Variants in DNAAF5 observed in about 807,000 individuals in gnomAD.
The protein encoded by DNAAF5 is dynein axonemal assembly factor 5, also known as HEAT repeat containing 2.
A neutral mutation model predicts 75.8 loss-of-function variants in DNAAF5; 64 were observed. The ratio of observed to expected loss-of-function variants is 0.84; its 90% CI spans 0.69 to 1.04. DNAAF5 has a LOEUF of 1.04. Ranked by LOEUF, DNAAF5 falls within the 50% of genes least tolerant of loss-of-function variation. The pLI, the probability that DNAAF5 is intolerant of heterozygous loss-of-function variation, is 0.00. For missense variants in DNAAF5, 1,269 were observed against 1,178.5 expected (o/e 1.08, Z -1.12); for synonymous variants, 657 against 557.2 (o/e 1.18, Z -2.52).
At chr7:781,243 T>A (rs1461996121) in intron 12 of DNAAF5, among the ~76,000 whole-genome samples, 1 of 152,236 alleles carries the variant, frequency 6.6e-6, no homozygotes, top group Non-Finnish European at 1.5e-5. Flanking sequence ...GAATTATTTT[T>A]ATTTTTAGTT....
intron 4 of DNAAF5, among the ~76,000 whole-genome samples, chr7:749,161 G>A (rs1382777296): frequency 1.3e-5 from 2 of 152,112 alleles, no homozygotes; most frequent in African/African-American, 2.4e-5. Flanking sequence ...TCCTCAAGTC[G>A]GTCATTTCCC....
intron 6 of DNAAF5, among the ~76,000 whole-genome samples, chr7:760,483 C>T (rs779706643): frequency 2.2e-4 from 34 of 152,092 alleles, no homozygotes; most frequent in Non-Finnish European, 7.3e-5. Flanking sequence ...ATTAGAGGGA[C>T]GTTATAAGAA....
intron 2 of DNAAF5, among the ~76,000 whole-genome samples, chr7:737,701 GT>G (rs1781780019): frequency 6.6e-6 from 1 of 152,206 alleles, no homozygotes; most frequent in African/African-American, 2.4e-5. Context: ...TAGGGTAAAA[GT>G]TTACTTTCCT....
rs1562369543 is a variant in DNAAF5, at chr7:727,118, G to A, written c.398G>A (p.Arg133His). 1 of 1,130,406 alleles carries A rather than the reference G, an allele frequency of 8.8e-7. No individual in the cohort carries two copies. Among genetic ancestry groups the A allele is most frequent in the Non-Finnish European group, 1.1e-6 (1 of 925,754 alleles). The allele number at this position is 1,130,406 out of a possible 1,614,324, so 70.0% of individuals were successfully genotyped here. The change falls in exon 1 of 13, where the codon CGC (arginine) becomes CAC (histidine). Residue 133 changes from arginine to histidine, a missense_variant. Transcript: ENST00000297440. ...ARLAGPVPAR[R>H]PPEACEELRL... ...TTGGCCGGCCCCGTGCCCGCGCGCC[G>A]CCCGCCCGAGGCCTGTGAGGAGCTG...
chr7:770,797 C>G (rs1778536656), intron 9 of DNAAF5, 179 bp downstream of exon 9: 5 of 576,094 alleles, frequency 8.7e-6, no homozygotes, highest in Non-Finnish European at 1.5e-5. Flanking sequence ...CCGGGGGTCC[C>G]CACCTCCCTC....
chr7:769,647 A>G (rs984520649), intron 8 of DNAAF5, among the ~76,000 whole-genome samples: 1 of 152,258 alleles, frequency 6.6e-6, no homozygotes, highest in Admixed American at 6.5e-5. Flanking sequence ...AGAAAAGTTT[A>G]AGAAAAATGG....
intron 6 of DNAAF5, 49 bp downstream of exon 6, chr7:757,043 C>T: frequency 6.6e-7 from 1 of 1,524,406 alleles, no homozygotes; most frequent in Non-Finnish European, 8.9e-7. Context: ...GCCTCCCCTG[C>T]CCGGCCGTCA....
chr7:728,667 C>T (rs762093846), intron 1 of DNAAF5, among the ~76,000 whole-genome samples: 9 of 152,224 alleles, frequency 5.9e-5, no homozygotes, highest in Non-Finnish European at 2.9e-5. Context: ...CCACGAGCTC[C>T]CTCCCTGGAC....
intron 1 of DNAAF5, among the ~76,000 whole-genome samples, 166 bp from the exon 2 acceptor site, chr7:729,497 C>T (rs1249462909): frequency 6.6e-6 from 1 of 152,236 alleles, no homozygotes; most frequent in Non-Finnish European, 1.5e-5. Context: ...GTACAGAGCT[C>T]TCCTTGGCAG....
chr7:768,878 G>T lies in DNAAF5; in HGVS notation c.1784-1593G>T, dbSNP rs149177958. 658 of 485,966 alleles carry T rather than the reference G, an allele frequency of 1.4e-3. 5 individuals carry two copies. The highest frequency in any genetic ancestry group is 0.011 in the African/African-American group (593 of 52,422). The allele number at this position is 485,966 out of a possible 1,614,324, so 30.1% of individuals were successfully genotyped here. A position where few individuals can be genotyped will look rare whatever the true frequency, so the allele number is the denominator to read the frequency against. On this transcript the variant is annotated intron_variant, in intron 8 of 12. Transcript: ENST00000297440. ...TTCCAGTTTAAGATGTAGAGAGGGTGAAACAGTCAGAAACTGGGTCAGAAG... is the reference window on the plus strand; with the variant it reads ...TTCCAGTTTAAGATGTAGAGAGGGTTAAACAGTCAGAAACTGGGTCAGAAG...
chr7:745,419 C>T (rs1032311142), intron 4 of DNAAF5, among the ~76,000 whole-genome samples: 3 of 132,052 alleles, frequency 2.3e-5, no homozygotes, highest in African/African-American at 8.5e-5. Flanking sequence ...GAGCGAGGCG[C>T]ACACGCATAC....
In DNAAF5 at chr7:785,649, A is replaced by G. The variant is rs78491700; in HGVS notation, c.2564A>G (p.Gln855Arg). The change falls in exon 13 of 13, where the codon CAG becomes CGG. Residue 855 changes from glutamine to arginine, a missense_variant. Gln to Arg is a conservative substitution (Grantham distance 43). Transcript: ENST00000297440. ...LQHVQAVPATQ is the reference protein window; with the variant it reads ...LQHVQAVPATR Reference sequence around the variant, plus strand: ...CATGTGCAGGCCGTGCCAGCCACACAGTGACCACGCTGGTTTCAGCCACGG... The same window carrying G: ...CATGTGCAGGCCGTGCCAGCCACACGGTGACCACGCTGGTTTCAGCCACGG... 683 of 1,612,814 alleles carry G rather than the reference A, an allele frequency of 4.2e-4. 2 individuals are homozygous for G. The African/African-American group carries it at 8.3e-3, about 20-fold the overall frequency.
At chr7:744,301 G>C (rs930198796) in intron 4 of DNAAF5, among the ~76,000 whole-genome samples, 61 of 152,228 alleles carry the variant, frequency 4.0e-4, no homozygotes, top group African/African-American at 1.4e-3. Context: ...AGTATTCCAT[G>C]GTGTATATGT....
intron 2 of DNAAF5, among the ~76,000 whole-genome samples, chr7:738,243 C>T (rs144001749): frequency 1.5e-4 from 23 of 152,220 alleles, no homozygotes; most frequent in South Asian, 8.3e-4. Flanking sequence ...CTTTTTTCTA[C>T]GCCAGAATTT....
intron 7 of DNAAF5, among the ~76,000 whole-genome samples, 160 bp downstream of exon 7, chr7:762,056 C>T (rs1371836169): frequency 1.3e-5 from 2 of 151,906 alleles, no homozygotes; most frequent in Admixed American, 1.3e-4. Context: ...CAACGGCCTT[C>T]GGGGCAGCTC....
intron 4 of DNAAF5, among the ~76,000 whole-genome samples, chr7:753,374 G>C (rs1022078286): frequency 1.3e-5 from 2 of 152,230 alleles, no homozygotes; most frequent in African/African-American, 4.8e-5. Context: ...GAGAGTGAAC[G>C]AGAGGCTTCC....
At chr7:737,911 G>A (rs905516892) in intron 2 of DNAAF5, among the ~76,000 whole-genome samples, 1 of 152,116 alleles carries the variant, frequency 6.6e-6, no homozygotes, top group African/African-American at 2.4e-5. Flanking sequence ...GGTTAAATCT[G>A]GTTGGTGTTC....
Position 726,711 on chromosome 7 carries a change from C to T in DNAAF5, c.-10C>T. The T allele has an allele frequency of 1.6e-6, 2 of 1,238,436 alleles. No homozygotes were observed. The highest frequency in any genetic ancestry group is 2.0e-6 in the Non-Finnish European group (2 of 991,784). 76.7% of individuals were successfully genotyped at this position (1,238,436 alleles called of 1,614,324 possible). A position where few individuals can be genotyped will look rare whatever the true frequency, so the allele number is the denominator to read the frequency against. ...CGCTGTTCCCCTTAGTGACCGGCGACGCGGGCAAGATGGCGGCGCTGGGGG... is the reference window on the plus strand; with the variant it reads ...CGCTGTTCCCCTTAGTGACCGGCGATGCGGGCAAGATGGCGGCGCTGGGGG... On this transcript the variant is annotated 5_prime_UTR_variant, in exon 1 of 13. It adds an upstream start codon to the 5' untranslated region. Transcript: ENST00000297440.
intron 2 of DNAAF5, among the ~76,000 whole-genome samples, chr7:737,197 G>A (rs1781766291): frequency 6.6e-6 from 1 of 152,136 alleles, no homozygotes; most frequent in South Asian, 2.1e-4. Context: ...CCAGGTTCAA[G>A]CGATTCTCCT....
Sources: allele counts gnomAD v4.1 joint callset (sites outside exome capture counted in the v4.1 genomes callset), GRCh38; gene constraint gnomAD v4.1.1; transcripts MANE v1.5; gene names NCBI Gene and HGNC (gene_info 2026-07-23, HGNC 2026-07-21).